Variants in CD200R1 observed in about 807,000 individuals in gnomAD.
The protein encoded by CD200R1 is CD200 receptor 1.
CD200R1 carries 30 observed loss-of-function variants against 38.1 expected under a neutral mutation model. The ratio of observed to expected loss-of-function variants is 0.79; its 90% CI spans 0.59 to 1.07. The LOEUF (loss-of-function observed/expected upper bound fraction) is 1.07. Among genes scored for constraint, CD200R1 ranks in the 50% least tolerant of loss-of-function variants. The pLI is 0.00. For missense variants in CD200R1, 372 were observed against 415.4 expected (o/e 0.90, Z 0.91); for synonymous variants, 128 against 152.1 (o/e 0.84, Z 1.16).
intron 6 of CD200R1, among the ~76,000 whole-genome samples, chr3:112,924,873 T>G: frequency 6.6e-6 from 1 of 152,096 alleles, no homozygotes; most frequent in East Asian, 1.9e-4. Context: ...CTACCCTAAA[T>G]GGCCTAATTT....
intron 2 of CD200R1, among the ~76,000 whole-genome samples, chr3:112,945,800 C>G (rs1015871081): frequency 1.3e-5 from 2 of 151,982 alleles, no homozygotes; most frequent in African/African-American, 4.8e-5. Flanking sequence ...AAGGCCGAGG[C>G]GGGCGGATCA....
At chr3:112,963,502 T>C (rs1436391784) in intron 1 of CD200R1, among the ~76,000 whole-genome samples, 1 of 152,188 alleles carries the variant, frequency 6.6e-6, no homozygotes, top group Non-Finnish European at 1.5e-5. Flanking sequence ...TGTTATGTTT[T>C]AACAAAGATA....
chr3:112,966,609 A>C (rs1281096208), intron 1 of CD200R1, among the ~76,000 whole-genome samples: 1 of 152,198 alleles, frequency 6.6e-6, no homozygotes, highest in Non-Finnish European at 1.5e-5. Context: ...ATGGTAAGGT[A>C]ACAAAATGGC....
chr3:112,971,558 A>C (rs1933310091), intron 1 of CD200R1, among the ~76,000 whole-genome samples: 1 of 152,026 alleles, frequency 6.6e-6, no homozygotes, highest in Non-Finnish European at 1.5e-5. Context: ...GAAGCTCTTG[A>C]CTCATGTTTC....
chr3:112,951,048 ACAAG>A (rs1269481610), intron 1 of CD200R1, among the ~76,000 whole-genome samples: 1 of 152,144 alleles, frequency 6.6e-6, no homozygotes, highest in Non-Finnish European at 1.5e-5. Context: ...AAAAGAGGAA[ACAAG>A]CAATGCAAAA....
chr3:112,963,804 G>A (rs1461228582), intron 1 of CD200R1, among the ~76,000 whole-genome samples: 4 of 152,184 alleles, frequency 2.6e-5, no homozygotes, highest in African/African-American at 9.6e-5. Context: ...AAGACAAGGT[G>A]GAAAATGTCT....
chr3:112,942,231 T>A (rs1241228687), intron 2 of CD200R1, among the ~76,000 whole-genome samples: 2 of 151,670 alleles, frequency 1.3e-5, no homozygotes, highest in Admixed American at 1.3e-4. Context: ...TAACACTTTG[T>A]CCAAAATAAT....
At chr3:112,932,984 C>T (rs942025755) in intron 2 of CD200R1, among the ~76,000 whole-genome samples, 23 of 152,134 alleles carry the variant, frequency 1.5e-4, no homozygotes, top group Admixed American at 1.4e-3. Flanking sequence ...TGAGAAACAG[C>T]CAGCGGGCCC....
At chr3:112,934,139 C>T (rs1940519312) in intron 2 of CD200R1, among the ~76,000 whole-genome samples, 1 of 151,922 alleles carries the variant, frequency 6.6e-6, no homozygotes, top group Admixed American at 6.6e-5. Context: ...TTCAAAATTT[C>T]CCAAATAGAT....
At chr3:112,937,363 C>T (rs1312237361) in intron 2 of CD200R1, among the ~76,000 whole-genome samples, 2 of 152,100 alleles carry the variant, frequency 1.3e-5, no homozygotes, top group African/African-American at 4.8e-5. Context: ...GGTGGGGACA[C>T]AGCCAAACCA....
At chr3:112,932,381 C>G (rs1371974382) in intron 2 of CD200R1, among the ~76,000 whole-genome samples, 7 of 152,126 alleles carry the variant, frequency 4.6e-5, no homozygotes, top group Non-Finnish European at 1.5e-5. Context: ...CCGGGACAAA[C>G]CTGCCATTGA....
intron 7 of CD200R1, 113 bp downstream of exon 7, chr3:112,924,377 C>T (rs2107298841): frequency 1.4e-6 from 1 of 716,372 alleles, no homozygotes. Flanking sequence ...CAAGTCAGAA[C>T]TGTTTTAGTT....
rs541152213 is a variant in CD200R1 at position 112,950,590 on chromosome 3, T to C, written c.68-2666A>G. On this transcript the variant is annotated intron_variant, in intron 1 of 7. Transcript: ENST00000308611. The stretch of plus-strand genomic sequence containing the variant: ...AACCACACTGACCTAATTCATATTT[T>C]TAGTACCCTAACCCAGCATCTGCAG... 7.2e-5 allele frequency among the ~76,000 whole-genome samples: 11 copies of C among 152,302 alleles called. No homozygotes were observed. In the East Asian group the frequency reaches 1.9e-3, roughly 27 times the overall value.
At chr3:112,934,224 A>G (rs1940520986) in intron 2 of CD200R1, among the ~76,000 whole-genome samples, 1 of 152,174 alleles carries the variant, frequency 6.6e-6, no homozygotes, top group Non-Finnish European at 1.5e-5. Flanking sequence ...AAGAATGATA[A>G]AAACACGCAA....
intron 1 of CD200R1, among the ~76,000 whole-genome samples, chr3:112,959,993 G>A (rs1932977047): frequency 6.6e-6 from 1 of 152,088 alleles, no homozygotes; most frequent in East Asian, 1.9e-4. Context: ...CTCATGAAAG[G>A]TATGCAAAGT....
chr3:112,942,322 G>T (rs1940746109), intron 2 of CD200R1, among the ~76,000 whole-genome samples: 1 of 151,466 alleles, frequency 6.6e-6, no homozygotes, highest in African/African-American at 2.4e-5. Context: ...AAGGAAGGAA[G>T]GAACTAGGAC....
intron 1 of CD200R1, among the ~76,000 whole-genome samples, chr3:112,952,266 TTTTC>T (rs1033155529): frequency 1.5e-4 from 23 of 152,158 alleles, no homozygotes; most frequent in Admixed American, 5.9e-4. Context: ...AAAAATAGGA[TTTTC>T]TTTCTTTCTT....
At chr3:112,948,018 A>G (rs1940902311) in intron 1 of CD200R1, 94 bp from the exon 2 acceptor site, 4 of 839,804 alleles carry the variant, frequency 4.8e-6, no homozygotes, top group Non-Finnish European at 8.1e-6. Context: ...CATTCTTCAG[A>G]CTATTTTTGT....
At chr3:112,964,066 A>C (rs1933091442) in intron 1 of CD200R1, among the ~76,000 whole-genome samples, 1 of 152,160 alleles carries the variant, frequency 6.6e-6, no homozygotes, top group South Asian at 2.1e-4. Context: ...CAGTGCATGG[A>C]AGTCAAGAAT....
Sources: allele counts gnomAD v4.1 joint callset (sites outside exome capture counted in the v4.1 genomes callset), GRCh38; gene constraint gnomAD v4.1.1; transcripts MANE v1.5; gene names NCBI Gene and HGNC (gene_info 2026-07-23, HGNC 2026-07-21).